Variants in SNRK observed in about 807,000 individuals in gnomAD.
SNRK encodes SNF-related serine/threonine-protein kinase.
A neutral mutation model predicts 48.2 loss-of-function variants in SNRK; 3 were observed. The ratio of observed to expected loss-of-function variants is 0.06; its 90% CI spans 0.03 to 0.16. SNRK has a LOEUF of 0.16. Ranked by LOEUF, SNRK falls within the 10% of genes least tolerant of loss-of-function variation. The pLI is 1.00. For missense variants in SNRK, 627 were observed against 976.0 expected (o/e 0.64, Z 4.76); for synonymous variants, 376 against 366.1 (o/e 1.03, Z -0.31).
chr3:43,340,191 G>A (rs1236314514), intron 4 of SNRK, 96 bp from the exon 5 acceptor site: 9 of 965,362 alleles, frequency 9.3e-6, no homozygotes, highest in African/African-American at 1.6e-5. Flanking sequence ...TAATTTAATT[G>A]ATGGTATAGG....
rs1204565102 is a variant in SNRK, at chr3:43,303,124, T to C, written c.-80T>C. ...TATCCATGACGACATTGAAAATGAA[T>C]TTTTTGTATTCACCAGATATTCTTA... On this transcript the variant is annotated 5_prime_UTR_variant, in exon 3 of 7. Coordinates refer to ENST00000296088, the MANE Select transcript of SNRK (RefSeq NM_017719.5). The surrounding 1 kb of genome is among the most constrained non-coding windows in gnomAD (Gnocchi z 6.2). The C allele has an allele frequency of 2.0e-6, 2 of 1,025,156 alleles. No individual in the cohort carries two copies. Among genetic ancestry groups the C allele is most frequent in the Non-Finnish European group, 2.8e-6 (2 of 716,688 alleles). The allele number at this position is 1,025,156 out of a possible 1,614,324, so 63.5% of individuals were successfully genotyped here. A position where few individuals can be genotyped will look rare whatever the true frequency, so the allele number is the denominator to read the frequency against.
chr3:43,313,209 C>A (rs922764855), intron 3 of SNRK, among the ~76,000 whole-genome samples: 13 of 152,132 alleles, frequency 8.5e-5, no homozygotes, highest in Non-Finnish European at 1.9e-4. Flanking sequence ...CAATTGCACT[C>A]CTGGGTGTTT....
At chr3:43,319,416 A>G (rs529994300) in intron 3 of SNRK, among the ~76,000 whole-genome samples, 274 of 152,318 alleles carry the variant, frequency 1.8e-3, no homozygotes, top group African/African-American at 5.7e-3. Flanking sequence ...ATATATCGAA[A>G]TCTCGGCACC....
Position 43,349,703 on chromosome 3 carries a change from T to C in SNRK, c.*1146T>C, listed in dbSNP as rs777328772. The C allele has an allele frequency of 6.6e-6, 1 of 152,244 alleles. No homozygotes were observed. The highest frequency in any genetic ancestry group is 1.5e-5 in the Non-Finnish European group (1 of 68,032). 9.4% of individuals were successfully genotyped at this position (152,244 alleles called of 1,614,324 possible). Reference sequence around the variant, plus strand: ...ACTTTGCCTTTTTCTGCCAAAACAATAATCAAAGAACTCTTGCTTTAACCT... The same window carrying C: ...ACTTTGCCTTTTTCTGCCAAAACAACAATCAAAGAACTCTTGCTTTAACCT... On this transcript the variant is annotated 3_prime_UTR_variant, in exon 7 of 7. Coordinates refer to ENST00000296088, the MANE Select transcript of SNRK (RefSeq NM_017719.5).
chr3:43,325,168 T>G (rs751536788), intron 3 of SNRK, among the ~76,000 whole-genome samples: 2 of 152,206 alleles, frequency 1.3e-5, no homozygotes, highest in Admixed American at 6.5e-5. Flanking sequence ...TTTTTGGTTT[T>G]GTTTTTTTTG....
At chr3:43,304,462 C>T (rs1035916833) in intron 3 of SNRK, among the ~76,000 whole-genome samples, 2 of 152,118 alleles carry the variant, frequency 1.3e-5, no homozygotes, top group Non-Finnish European at 2.9e-5. Context: ...TACCTTCTTT[C>T]CCTCTCCACA....
intron 3 of SNRK, among the ~76,000 whole-genome samples, chr3:43,318,687 C>T (rs553927966): frequency 3.9e-4 from 60 of 151,964 alleles, no homozygotes; most frequent in Non-Finnish European, 7.8e-4. Context: ...TGCATGTTGC[C>T]GAACAGACTG....
intron 3 of SNRK, among the ~76,000 whole-genome samples, chr3:43,317,965 G>C (rs2091025757): frequency 6.6e-6 from 1 of 152,196 alleles, no homozygotes; most frequent in South Asian, 2.1e-4. Context: ...CACAAAATTA[G>C]CCCTCAGTCC....
intron 4 of SNRK, chr3:43,333,358 CAAAAAAAAAAAAAAAAAA>C (rs33994267): frequency 3.2e-5 from 2 of 62,294 alleles, no homozygotes; most frequent in Non-Finnish European, 5.4e-5. Flanking sequence ...GACTCTGTCT[CAAAAAAAAAAAAAAAAAA>C]AAAAAAAAAA....
At chr3:43,335,452 G>C (rs1168454715) in intron 4 of SNRK, among the ~76,000 whole-genome samples, 1 of 152,110 alleles carries the variant, frequency 6.6e-6, no homozygotes, top group Non-Finnish European at 1.5e-5. Flanking sequence ...TATGGTACCA[G>C]TGTTGTTTTT....
intron 5 of SNRK, 120 bp downstream of exon 5, chr3:43,340,619 G>A (rs2125645651): frequency 8.0e-6 from 7 of 872,206 alleles, no homozygotes; most frequent in East Asian, 2.7e-5. Context: ...GTTGGCAAGA[G>A]TTGTGTCATT....
At chr3:43,314,714 G>A (rs570870354) in intron 3 of SNRK, among the ~76,000 whole-genome samples, 13 of 152,216 alleles carry the variant, frequency 8.5e-5, no homozygotes, top group African/African-American at 1.9e-4. Context: ...TAAGTAAGCC[G>A]TAAAACCTTT....
At chr3:43,344,394 A>T (rs2091259256) in intron 6 of SNRK, among the ~76,000 whole-genome samples, 2 of 152,188 alleles carry the variant, frequency 1.3e-5, no homozygotes, top group Admixed American at 1.3e-4. Context: ...GCTGATTCTG[A>T]GTAAATCTGT....
Position 43,348,720 on chromosome 3 carries a change from G to T in SNRK, c.*163G>T. 1 of 676,784 alleles carries T rather than the reference G, an allele frequency of 1.5e-6. No individual in the cohort carries two copies. The highest frequency in any genetic ancestry group is 3.9e-5 in the South Asian group (1 of 25,436). 41.9% of individuals were successfully genotyped at this position (676,784 alleles called of 1,614,324 possible). ...GATGATGTGACAATGCATGGTCTTT[G>T]TGCATGCTGCTAGACACTTTTCTTT... On this transcript the variant is annotated 3_prime_UTR_variant, in exon 7 of 7. Transcript: ENST00000296088.
rs561353236 is a variant in SNRK, at chr3:43,304,771, C to A, written c.589+979C>A. ...GGATTAATGACAAAGGTGCACTTAA[C>A]ATTGAAGAGTGTTGATGTTATATTG... On this transcript the variant is annotated intron_variant, in intron 3 of 6. Transcript: ENST00000296088. Among the ~76,000 whole-genome samples the A allele has an allele frequency of 1.8e-3, 275 of 152,136 alleles. 1 individual carries two copies. The highest frequency in any genetic ancestry group is 6.3e-3 in the African/African-American group (261 of 41,502).
intron 4 of SNRK, among the ~76,000 whole-genome samples, chr3:43,335,594 G>A (rs1470853871): frequency 2.6e-5 from 4 of 151,980 alleles, no homozygotes; most frequent in Non-Finnish European, 4.4e-5. Context: ...TTTTTATTAT[G>A]CTGTTCAAAA....
At chr3:43,318,896 C>T (rs1006128349) in intron 3 of SNRK, among the ~76,000 whole-genome samples, 1 of 151,922 alleles carries the variant, frequency 6.6e-6, no homozygotes, top group African/African-American at 2.4e-5. Flanking sequence ...GGCGTGGTAG[C>T]GCATGCATGT....
chr3:43,347,618 G>C lies in SNRK; in HGVS notation c.1359G>C (p.Glu453Asp). 1 of 1,613,934 alleles carries C rather than the reference G, an allele frequency of 6.2e-7. No individual in the cohort carries two copies. Among genetic ancestry groups the C allele is most frequent in the East Asian group, 2.2e-5 (1 of 44,872 alleles). ...FRVEEDEEED[E>D]EDKKPMSLST... ...TGGAAGAAGATGAAGAGGAAGATGA[G>C]GAGGACAAGAAACCCATGTCCCTCT... Residue 453 changes from glutamate to aspartate, a missense_variant, in exon 7 of 7, where the codon GAG becomes GAC. Physicochemically the swap from Glu to Asp is conservative, Grantham distance 45. Coordinates refer to ENST00000296088, the MANE Select transcript of SNRK (RefSeq NM_017719.5). This position sits in a 1 kb window ranked among gnomAD's most constrained non-coding sequence, Gnocchi z 5.4.
intron 3 of SNRK, among the ~76,000 whole-genome samples, chr3:43,316,838 C>A (rs559589586): frequency 1.3e-5 from 2 of 152,038 alleles, no homozygotes; most frequent in Admixed American, 6.6e-5. Flanking sequence ...GCCCAGAGAC[C>A]TTCCTGCCTG....
Sources: allele counts gnomAD v4.1 joint callset (sites outside exome capture counted in the v4.1 genomes callset), GRCh38; gene constraint gnomAD v4.1.1; non-coding constraint Gnocchi (gnomAD v3.1); transcripts MANE v1.5; gene names NCBI Gene and HGNC (gene_info 2026-07-23, HGNC 2026-07-21).